The following ADAMTS18 variants were observed in gnomAD, a reference collection of about 807,000 sequenced individuals.
The protein encoded by ADAMTS18 is A disintegrin and metalloproteinase with thrombospondin motifs 18.
ADAMTS18 carries 157 observed loss-of-function variants against 165.9 expected under a neutral mutation model. That is an observed-to-expected ratio of 0.95 (90% CI 0.83 to 1.08). The LOEUF (loss-of-function observed/expected upper bound fraction) is 1.08. ADAMTS18 is among the 50% of genes least tolerant of loss of function. The pLI is 0.00. For synonymous variants in ADAMTS18, 782 were observed against 578.2 expected, an observed-to-expected ratio of 1.35 and a Z score of -5.06; for missense variants, 2,040 against 1,534.0, an observed-to-expected ratio of 1.33 and a Z score of -5.51.
At chr16:77,399,381 C>G (rs2057298179) in intron 3 of ADAMTS18, among the ~76,000 whole-genome samples, 2 of 152,184 alleles carry the variant, frequency 1.3e-5, no homozygotes, top group Admixed American at 1.3e-4. Context: ...AGAGTTAGAA[C>G]TAGACACTTC....
At chr16:77,301,017 G>C (rs1210062908) in intron 16 of ADAMTS18, among the ~76,000 whole-genome samples, 2 of 152,166 alleles carry the variant, frequency 1.3e-5, no homozygotes, top group Non-Finnish European at 2.9e-5. Context: ...AAGAGAATTT[G>C]TTAACTGTGT....
chr16:77,314,250 A>C (rs1021280614), intron 16 of ADAMTS18, among the ~76,000 whole-genome samples: 1 of 152,168 alleles, frequency 6.6e-6, no homozygotes, highest in Admixed American at 6.5e-5. Flanking sequence ...AGGTTTTCTT[A>C]AGAGTTTCAA....
chr16:77,390,365 C>T (rs975442471), intron 3 of ADAMTS18, among the ~76,000 whole-genome samples: 1 of 137,214 alleles, frequency 7.3e-6, no homozygotes, highest in African/African-American at 2.7e-5. Flanking sequence ...CAGAGAAGAG[C>T]CATTGGTCTC....
chr16:77,368,531 G>A (rs958954559), intron 3 of ADAMTS18, among the ~76,000 whole-genome samples: 1 of 150,698 alleles, frequency 6.6e-6, no homozygotes, highest in Admixed American at 6.6e-5. Flanking sequence ...TGACCTACTG[G>A]TCTCAAGCAA....
At chr16:77,298,407 T>C (rs2055516732) in intron 17 of ADAMTS18, among the ~76,000 whole-genome samples, 2 of 152,192 alleles carry the variant, frequency 1.3e-5, no homozygotes, top group Admixed American at 6.5e-5. Flanking sequence ...AAATATAATC[T>C]GAGAAAGAAT....
Position 77,341,697 on chromosome 16 carries a change from A to C in ADAMTS18, c.1710+7T>G, listed in dbSNP as rs377139323. On this transcript the variant is annotated splice_region_variant and intron_variant, in intron 11 of 22. Transcript: ENST00000282849. ...TGGAGCTAAAAACTAACAAGTATGC[A>C]GTTTACCATACTCAAGCCACAAACG... 1 of 1,609,662 alleles carries C rather than the reference A, an allele frequency of 6.2e-7. No individual in the cohort carries two copies. The highest frequency in any genetic ancestry group is 2.2e-5 in the East Asian group (1 of 44,806).
chr16:77,380,905 G>T (rs1462019472), intron 3 of ADAMTS18, among the ~76,000 whole-genome samples: 3 of 152,006 alleles, frequency 2.0e-5, no homozygotes, highest in Non-Finnish European at 4.4e-5. Flanking sequence ...ACAGGGTCTT[G>T]CTCTGTCACC....
intron 22 of ADAMTS18, among the ~76,000 whole-genome samples, chr16:77,285,507 A>G (rs2055232501): frequency 6.6e-6 from 1 of 152,156 alleles, no homozygotes; most frequent in Non-Finnish European, 1.5e-5. Context: ...TTTTGACTTT[A>G]AAAATATTTA....
At chr16:77,386,610 G>C (rs1325799531) in intron 3 of ADAMTS18, among the ~76,000 whole-genome samples, 1 of 152,080 alleles carries the variant, frequency 6.6e-6, no homozygotes, top group African/African-American at 2.4e-5. Context: ...TATATTACTA[G>C]TCTGGTGCCT....
intron 3 of ADAMTS18, among the ~76,000 whole-genome samples, chr16:77,389,166 T>C (rs1032981889): frequency 2.0e-5 from 3 of 152,086 alleles, no homozygotes; most frequent in Admixed American, 1.3e-4. Context: ...CGAGGCATGG[T>C]TGCACATACC....
chr16:77,354,360 T>A (rs1002963501), intron 9 of ADAMTS18, among the ~76,000 whole-genome samples: 1 of 152,158 alleles, frequency 6.6e-6, no homozygotes, highest in Non-Finnish European at 1.5e-5. Flanking sequence ...AAAGATGTAC[T>A]TTAACTCACA....
chr16:77,287,417 A>T (rs1006370778), intron 22 of ADAMTS18, among the ~76,000 whole-genome samples: 1 of 152,160 alleles, frequency 6.6e-6, no homozygotes, highest in Admixed American at 6.5e-5. Context: ...GGGTCAGAAC[A>T]AACACGTGGG....
intron 7 of ADAMTS18, among the ~76,000 whole-genome samples, 199 bp downstream of exon 7, chr16:77,361,906 G>T (rs1337356275): frequency 6.7e-6 from 1 of 148,686 alleles, no homozygotes; most frequent in Non-Finnish European, 1.5e-5. Flanking sequence ...AATACAAAAT[G>T]AATAAACTAA....
chr16:77,403,099 T>A (rs572836273), intron 3 of ADAMTS18, among the ~76,000 whole-genome samples: 1 of 152,312 alleles, frequency 6.6e-6, no homozygotes, highest in Admixed American at 6.5e-5. Context: ...TCATACTCAC[T>A]ATAACGATGT....
intron 16 of ADAMTS18, among the ~76,000 whole-genome samples, chr16:77,309,128 A>G (rs2055733791): frequency 1.3e-5 from 2 of 152,156 alleles, no homozygotes. Context: ...ATTTAGTTTT[A>G]TATTAACTAT....
At chr16:77,293,053 C>CA (rs2055395425) in intron 20 of ADAMTS18, 23 bp downstream of exon 20, 1 of 1,613,768 alleles carries the variant, frequency 6.2e-7, no homozygotes, top group African/African-American at 1.3e-5. Flanking sequence ...TCTCCTGACC[C>CA]AGCAGTGACT....
chr16:77,352,960 A>G (rs1484194346), intron 10 of ADAMTS18, among the ~76,000 whole-genome samples: 1 of 152,066 alleles, frequency 6.6e-6, no homozygotes, highest in African/African-American at 2.4e-5. Context: ...TTAGCCGAGC[A>G]TGGTGGCTAC....
rs1325227889 is a variant in ADAMTS18, at chr16:77,318,050, G to A, written c.2532+1799C>T. ...ACAGTAAGTGCCAATAGTCTTATGT[G>A]AATTAACATATATAAGATAGAGGAA... On this transcript the variant is annotated intron_variant, in intron 16 of 22. Coordinates refer to ENST00000282849, the MANE Select transcript of ADAMTS18 (RefSeq NM_199355.4). Among the ~76,000 whole-genome samples, 4 of 152,128 alleles carry A rather than the reference G, an allele frequency of 2.6e-5. No homozygotes were observed. In the South Asian group the frequency reaches 6.2e-4, roughly 24 times the overall value.
intron 3 of ADAMTS18, among the ~76,000 whole-genome samples, chr16:77,368,077 G>A (rs1195374379): frequency 1.3e-5 from 2 of 152,112 alleles, no homozygotes; most frequent in East Asian, 3.9e-4. Context: ...GGGTCAATGT[G>A]GCCCAAGCTG....
Sources: gnomAD v4.1 joint callset for allele counts (sites outside exome capture counted in the v4.1 genomes callset) on GRCh38, gnomAD v4.1.1 for gene constraint, MANE v1.5 for transcripts, NCBI Gene and HGNC (gene_info 2026-07-23, HGNC 2026-07-21) for gene names.